Variants in ALG14 observed in about 807,000 individuals in gnomAD.
ALG14 encodes ALG14 UDP-N-acetylglucosaminyltransferase subunit.
ALG14 carries 17 observed loss-of-function variants against 22.8 expected under a neutral mutation model. That is an observed-to-expected ratio of 0.75 (90% CI 0.51 to 1.12). The LOEUF is 1.12. Among genes scored for constraint, ALG14 ranks in the 50% most tolerant of loss-of-function variants. The probability of loss-of-function intolerance (pLI) is 0.00; values close to 1 mark genes in which losing one functional copy is unlikely to be tolerated. For missense variants in ALG14, 288 were observed against 271.8 expected (o/e 1.06, Z -0.42); for synonymous variants, 89 against 103.7 (o/e 0.86, Z 0.86).
chr1:95,072,402 T>A (rs61671370), intron 1 of ALG14, among the ~76,000 whole-genome samples: 7,502 of 152,276 alleles, frequency 0.049, 202 homozygotes, highest in South Asian at 0.066. Context: ...CATTCGTGTT[T>A]CCTAAACTAA....
intron 3 of ALG14, among the ~76,000 whole-genome samples, chr1:95,005,292 G>C (rs953316553): frequency 6.6e-6 from 1 of 152,198 alleles, no homozygotes; most frequent in African/African-American, 2.4e-5. Context: ...TGTATTTGAA[G>C]ATGGGGAGCC....
chr1:95,019,800 G>C (rs1325868142), intron 3 of ALG14, among the ~76,000 whole-genome samples: 2 of 152,154 alleles, frequency 1.3e-5, no homozygotes, highest in Non-Finnish European at 2.9e-5. Context: ...GACCAACATG[G>C]AGAAACCCTG....
At chr1:94,984,031 A>C (rs1355697434) in intron 3 of ALG14, among the ~76,000 whole-genome samples, 2 of 152,160 alleles carry the variant, frequency 1.3e-5, no homozygotes, top group African/African-American at 4.8e-5. Context: ...GGCATGAGCC[A>C]CCGAGCCCAG....
chr1:95,054,796 T>A (rs904948685), intron 2 of ALG14, among the ~76,000 whole-genome samples: 1 of 152,200 alleles, frequency 6.6e-6, no homozygotes, highest in African/African-American at 2.4e-5. Flanking sequence ...TAAAAAGTTG[T>A]CTATACTCCA....
rs891041320 is a variant in ALG14 at position 94,979,988 on chromosome 1, A to T, written c.*3088T>A. 2.0e-5 allele frequency: 3 copies of T among 151,868 alleles called. No individual in the cohort carries two copies. The highest frequency in any genetic ancestry group is 6.6e-5 in the Admixed American group (1 of 15,212). The allele number at this position is 151,868 out of a possible 1,614,324, so 9.4% of individuals were successfully genotyped here. ...ACAATTTTCTTTAACACTTACAATGATGTTCTTATTGTTGGTAAAAGGTGC... is the reference window on the plus strand; with the variant it reads ...ACAATTTTCTTTAACACTTACAATGTTGTTCTTATTGTTGGTAAAAGGTGC... On this transcript the variant is annotated 3_prime_UTR_variant, in exon 4 of 4. Coordinates refer to ENST00000370205, the MANE Select transcript of ALG14 (RefSeq NM_144988.4).
chr1:94,978,861 A>C lies in ALG14; in HGVS notation c.*4215T>G, dbSNP rs1405598119. On this transcript the variant is annotated 3_prime_UTR_variant, in exon 4 of 4. Transcript: ENST00000370205. ...TTTTTCTTTAAAAAAAAAAAAAAAC[A>C]CCTAACGTAGCTATTAAGGTAAGCC... 6.7e-6 allele frequency: 1 copy of C among 148,642 alleles called. No homozygotes were observed. Among genetic ancestry groups the C allele is most frequent in the South Asian group, 2.1e-4 (1 of 4,712 alleles). The allele number at this position is 148,642 out of a possible 1,614,324, so 9.2% of individuals were successfully genotyped here.
At chr1:95,013,929 TAA>T (rs66637982) in intron 3 of ALG14, among the ~76,000 whole-genome samples, 8,037 of 145,004 alleles carry the variant, frequency 0.055, 275 homozygotes, top group Middle Eastern at 0.098. Context: ...ACTTTTTTCT[TAA>T]AAAAAAAAAA....
intron 2 of ALG14, among the ~76,000 whole-genome samples, chr1:95,050,055 T>C (rs1433706371): frequency 2.0e-5 from 3 of 152,220 alleles, no homozygotes; most frequent in African/African-American, 7.2e-5. Context: ...GGAAGCTCTC[T>C]GTGTTTTTGG....
At chr1:95,070,089 C>T (rs902750160) in intron 1 of ALG14, among the ~76,000 whole-genome samples, 12 of 152,106 alleles carry the variant, frequency 7.9e-5, no homozygotes, top group African/African-American at 1.4e-4. Flanking sequence ...CCTTGTTTGA[C>T]GGTAGGTCAT....
At chr1:95,066,505 G>A (rs377073687) in intron 1 of ALG14, among the ~76,000 whole-genome samples, 28 of 152,092 alleles carry the variant, frequency 1.8e-4, no homozygotes, top group African/African-American at 6.3e-4. Context: ...TTACAGGCGT[G>A]AGCCACCATG....
intron 1 of ALG14, among the ~76,000 whole-genome samples, chr1:95,071,064 T>C (rs1444183549): frequency 6.6e-6 from 1 of 152,132 alleles, no homozygotes; most frequent in Non-Finnish European, 1.5e-5. Flanking sequence ...TATGATCCTA[T>C]TTAATCTCTC....
intron 2 of ALG14, among the ~76,000 whole-genome samples, chr1:95,047,770 A>G (rs1259293005): frequency 6.6e-6 from 1 of 152,162 alleles, no homozygotes; most frequent in African/African-American, 2.4e-5. Context: ...GCTTGAGACC[A>G]GGAGTTCAAG....
chr1:95,072,690 G>A lies in ALG14; in HGVS notation c.136+73C>T, dbSNP rs746701687. The stretch of plus-strand genomic sequence containing the variant: ...TCCAAGAAGTGCTAAGGGTACCAGG[G>A]AAGAGCGTCGCGGTGCACTCTGGGG... On this transcript the variant is annotated intron_variant, in intron 1 of 3. Coordinates refer to ENST00000370205, the MANE Select transcript of ALG14 (RefSeq NM_144988.4). 132 of 1,577,284 alleles carry A rather than the reference G, an allele frequency of 8.4e-5. No individual in the cohort carries two copies. The East Asian group carries it at 2.5e-3, about 30-fold the overall frequency.
chr1:95,032,102 C>T (rs919001132), intron 2 of ALG14, among the ~76,000 whole-genome samples: 6 of 152,058 alleles, frequency 3.9e-5, no homozygotes, highest in African/African-American at 1.4e-4. Flanking sequence ...ATCCACTGCG[C>T]CTGGCCCTGG....
At chr1:95,015,194 C>T (rs558167104) in intron 3 of ALG14, among the ~76,000 whole-genome samples, 47 of 152,180 alleles carry the variant, frequency 3.1e-4, no homozygotes, top group African/African-American at 9.6e-4. Flanking sequence ...TAGCTGAGGA[C>T]GAGATATTTA....
chr1:95,044,792 T>C (rs1402867187), intron 2 of ALG14, among the ~76,000 whole-genome samples: 4 of 152,178 alleles, frequency 2.6e-5, no homozygotes, highest in Non-Finnish European at 5.9e-5. Context: ...TTTGTGTTTT[T>C]TGTTCACTTG....
At chr1:95,016,434 A>ATCAGAG (rs1182397597) in intron 3 of ALG14, among the ~76,000 whole-genome samples, 2 of 152,234 alleles carry the variant, frequency 1.3e-5, no homozygotes, top group African/African-American at 4.8e-5. Flanking sequence ...TGCCTTCTCC[A>ATCAGAG]TCAGAGAATG....
chr1:95,061,619 T>C (rs554421457), intron 2 of ALG14: 2 of 152,394 alleles, frequency 1.3e-5, no homozygotes, highest in South Asian at 2.1e-4. Context: ...GCAGGGCCTC[T>C]TGAGCCACTG....
chr1:95,037,869 A>G (rs972863256), intron 2 of ALG14, among the ~76,000 whole-genome samples: 2 of 152,178 alleles, frequency 1.3e-5, no homozygotes, highest in Non-Finnish European at 2.9e-5. Context: ...TCTTCATTAA[A>G]CTTTCAACAA....
Sources: allele counts gnomAD v4.1 joint callset (sites outside exome capture counted in the v4.1 genomes callset), GRCh38; gene constraint gnomAD v4.1.1; transcripts MANE v1.5; gene names NCBI Gene and HGNC (gene_info 2026-07-23, HGNC 2026-07-21).